Variants in PARD6A observed in about 807,000 individuals in gnomAD.
PARD6A encodes the protein par-6 family cell polarity regulator alpha.
PARD6A carries 20 observed loss-of-function variants against 21.3 expected under a neutral mutation model. That is an observed-to-expected ratio of 0.94 (90% CI 0.66 to 1.36). The LOEUF is 1.36. Ranked by LOEUF, PARD6A falls within the 40% of genes most tolerant of loss-of-function variation. The pLI, the probability that PARD6A is intolerant of heterozygous loss-of-function variation, is 0.00. For synonymous variants in PARD6A, 214 were observed against 204.8 expected, an observed-to-expected ratio of 1.04 and a Z score of -0.38; for missense variants, 411 against 482.0, an observed-to-expected ratio of 0.85 and a Z score of 1.38.
chr16:67,661,558 A>AC lies in PARD6A; in HGVS notation c.168dup (p.Val57ArgfsTer42). ...GCGGTGCACCAGATCCCGGGCCTGG[A>AC]CGTGCTACTTGGCTATACGGATGCT... On this transcript the variant is annotated frameshift_variant, in exon 2 of 3. Coordinates refer to ENST00000458121, the MANE Select transcript of PARD6A (RefSeq NM_001037281.2). LOFTEE classifies it high-confidence loss of function. This position sits in a 1 kb window ranked among gnomAD's most constrained non-coding sequence, Gnocchi z 7.0. 6.2e-7 allele frequency: 1 copy of AC among 1,610,562 alleles called. No homozygotes were observed. Among genetic ancestry groups the AC allele is most frequent in the Non-Finnish European group, 8.5e-7 (1 of 1,179,930 alleles).
In PARD6A at chr16:67,662,265, G is replaced by A. The variant is rs1186462758; in HGVS notation, c.656G>A (p.Gly219Asp). ...AVSDEILEVNGIEVAGKTLDQ... is the reference protein window; with the variant it reads ...AVSDEILEVNDIEVAGKTLDQ... ...AGTGATGAGATCCTCGAGGTCAATG[G>A]CATTGAAGTAGCCGGGAAGACCTTG... Residue 219 changes from glycine to aspartate, a missense_variant, in exon 3 of 3, where the codon GGC becomes GAC. Coordinates refer to ENST00000458121, the MANE Select transcript of PARD6A (RefSeq NM_001037281.2). This position sits in a 1 kb window ranked among gnomAD's most constrained non-coding sequence, Gnocchi z 6.9. 1.9e-6 allele frequency: 3 copies of A among 1,614,018 alleles called. No individual in the cohort carries two copies. The highest frequency in any genetic ancestry group is 2.5e-6 in the Non-Finnish European group (3 of 1,180,042).
chr16:67,661,741 G>A lies in PARD6A; in HGVS notation c.286+64G>A. 1 of 1,574,310 alleles carries A rather than the reference G, an allele frequency of 6.4e-7. No individual in the cohort carries two copies. Among genetic ancestry groups the A allele is most frequent in the Non-Finnish European group, 8.6e-7 (1 of 1,166,004 alleles). Reference sequence around the variant, plus strand: ...GTGTCTGTGGGGCAGGTCTACAAGGGTTAGTCCATGCCCAGGGTACCCAAG... The same window carrying A: ...GTGTCTGTGGGGCAGGTCTACAAGGATTAGTCCATGCCCAGGGTACCCAAG... On this transcript the variant is annotated intron_variant, in intron 2 of 2. Coordinates refer to ENST00000458121, the MANE Select transcript of PARD6A (RefSeq NM_001037281.2). This position sits in a 1 kb window ranked among gnomAD's most constrained non-coding sequence, Gnocchi z 7.0.
In PARD6A at chr16:67,662,740, A is replaced by T; in HGVS notation, c.*93A>T. The T allele has an allele frequency of 8.4e-7, 1 of 1,186,464 alleles. No individual in the cohort carries two copies. The highest frequency in any genetic ancestry group is 2.9e-5 in the Admixed American group (1 of 34,790). 73.5% of individuals were successfully genotyped at this position (1,186,464 alleles called of 1,614,324 possible). A position where few individuals can be genotyped will look rare whatever the true frequency, so the allele number is the denominator to read the frequency against. On this transcript the variant is annotated 3_prime_UTR_variant, in exon 3 of 3. Transcript: ENST00000458121. The surrounding 1 kb of genome is among the most constrained non-coding windows in gnomAD (Gnocchi z 6.9). ...TTTAGCTGGCTCACAGGGCTCCCTCAGCCTGGGGAACATTAAAGGTTTTCT... is the reference window on the plus strand; with the variant it reads ...TTTAGCTGGCTCACAGGGCTCCCTCTGCCTGGGGAACATTAAAGGTTTTCT...
At position 67,661,063 on chromosome 16, in the gene PARD6A, G is replaced by A. The variant is rs2053005829; in HGVS notation, c.25G>A (p.Ala9Thr). The A allele has an allele frequency of 1.2e-6, 2 of 1,600,250 alleles. No homozygotes were observed. The highest frequency in any genetic ancestry group is 1.7e-6 in the Non-Finnish European group (2 of 1,173,020). MARPQRTPARSPDSIVEVK... is the reference protein window; with the variant it reads MARPQRTPTRSPDSIVEVK... ...CATGGCCCGGCCGCAGAGGACTCCG[G>A]CGCGCAGTCCCGATAGCATCGTCGA... is the stretch of plus-strand genomic sequence containing the variant. Residue 9 changes from alanine (A) to threonine (T), a missense_variant, in exon 1 of 3, where the codon GCG becomes ACG. Ala to Thr is a moderately conservative substitution (Grantham distance 58, BLOSUM62 0). Coordinates refer to ENST00000458121, the MANE Select transcript of PARD6A (RefSeq NM_001037281.2). The surrounding 1 kb of genome is among the most constrained non-coding windows in gnomAD (Gnocchi z 7.0).
At position 67,662,196 on chromosome 16, in the gene PARD6A, T is replaced by G; in HGVS notation, c.587T>G (p.Leu196Arg). The change falls in exon 3 of 3, where the codon CTG (leucine) becomes CGG (arginine). Residue 196 changes from leucine (L) to arginine (R), a missense_variant. Physicochemically the swap from Leu to Arg is moderately radical, Grantham distance 102. Transcript: ENST00000458121. The surrounding 1 kb of genome is among the most constrained non-coding windows in gnomAD (Gnocchi z 6.9). ...ERVPGIFISR[L>R]VRGGLAESTG... Reference sequence around the variant, plus strand: ...GTTCCAGGAATCTTCATCTCCCGCCTGGTACGTGGGGGTCTGGCTGAGAGT... The same window carrying G: ...GTTCCAGGAATCTTCATCTCCCGCCGGGTACGTGGGGGTCTGGCTGAGAGT... 6.2e-7 allele frequency: 1 copy of G among 1,614,020 alleles called. No individual in the cohort carries two copies. Among genetic ancestry groups the G allele is most frequent in the East Asian group, 2.2e-5 (1 of 44,880 alleles).
rs367827389 is a variant in PARD6A at position 67,661,869 on chromosome 16, C to T, written c.287-27C>T. Reference sequence around the variant, plus strand: ...CCAAGTCGGGGAGCAGGTCTCTGATCTCAACATCCCCCCTCTTCTGCAGCA... The same window carrying T: ...CCAAGTCGGGGAGCAGGTCTCTGATTTCAACATCCCCCCTCTTCTGCAGCA... On this transcript the variant is annotated intron_variant, in intron 2 of 2. Transcript: ENST00000458121. This position sits in a 1 kb window ranked among gnomAD's most constrained non-coding sequence, Gnocchi z 7.0. 3 of 1,553,986 alleles carry T rather than the reference C, an allele frequency of 1.9e-6. No homozygotes were observed. In the South Asian group the frequency reaches 3.6e-5, roughly 19 times the overall value.
chr16:67,661,834 T>C lies in PARD6A; in HGVS notation c.287-62T>C. The C allele has an allele frequency of 6.5e-7, 1 of 1,539,716 alleles. No individual in the cohort carries two copies. The highest frequency in any genetic ancestry group is 8.7e-7 in the Non-Finnish European group (1 of 1,150,638). ...GGTAGGAAATAGCTACAGTGCCCCC[T>C]GTAAACAGCCCAAGTCGGGGAGCAG... On this transcript the variant is annotated intron_variant, in intron 2 of 2. Transcript: ENST00000458121. This position sits in a 1 kb window ranked among gnomAD's most constrained non-coding sequence, Gnocchi z 7.0.
In PARD6A at chr16:67,662,689, A is replaced by G. The variant is rs1363562640; in HGVS notation, c.*42A>G. 6.7e-7 allele frequency: 1 copy of G among 1,485,726 alleles called. No individual in the cohort carries two copies. The highest frequency in any genetic ancestry group is 2.4e-5 in the Admixed American group (1 of 41,722). The allele number at this position is 1,485,726 out of a possible 1,614,324, so 92.0% of individuals were successfully genotyped here. A position where few individuals can be genotyped will look rare whatever the true frequency, so the allele number is the denominator to read the frequency against. On this transcript the variant is annotated 3_prime_UTR_variant, in exon 3 of 3. Transcript: ENST00000458121. This position sits in a 1 kb window ranked among gnomAD's most constrained non-coding sequence, Gnocchi z 6.9. ...CCATGCCACTCCACACTGCTGGGAC[A>G]TGGCAGGGACTTCACAGTGGGGGTT...
In PARD6A at chr16:67,661,116, G is replaced by A; in HGVS notation, c.63+15G>A. On this transcript the variant is annotated intron_variant, in intron 1 of 2. Transcript: ENST00000458121. The surrounding 1 kb of genome is among the most constrained non-coding windows in gnomAD (Gnocchi z 7.0). ...TGAAGAGCAAAGTAAGGGCTCCTCCGGCCTCGGCCCTAGGCGCTCCCAATT... is the reference window on the plus strand; with the variant it reads ...TGAAGAGCAAAGTAAGGGCTCCTCCAGCCTCGGCCCTAGGCGCTCCCAATT... 1 of 1,604,204 alleles carries A rather than the reference G, an allele frequency of 6.2e-7. No homozygotes were observed. The highest frequency in any genetic ancestry group is 8.5e-7 in the Non-Finnish European group (1 of 1,172,458).
At position 67,661,757 on chromosome 16, in the gene PARD6A, G is replaced by C. The variant is rs2053022099; in HGVS notation, c.286+80G>C. 1.3e-6 allele frequency: 2 copies of C among 1,560,102 alleles called. No homozygotes were observed. Among genetic ancestry groups the C allele is most frequent in the East Asian group, 4.5e-5 (2 of 44,264 alleles). ...TCTACAAGGGTTAGTCCATGCCCAG[G>C]GTACCCAAGCGTCACCCTCTGCAGT... is the stretch of plus-strand genomic sequence containing the variant. On this transcript the variant is annotated intron_variant, in intron 2 of 2. Coordinates refer to ENST00000458121, the MANE Select transcript of PARD6A (RefSeq NM_001037281.2). The surrounding 1 kb of genome is among the most constrained non-coding windows in gnomAD (Gnocchi z 7.0).
Position 67,661,924 on chromosome 16 carries a change from C to T in PARD6A, c.315C>T (p.Ala105=), listed in dbSNP as rs765074184. Residue 105 remains alanine, a synonymous_variant, in exon 3 of 3, where the codon GCC becomes GCT. Coordinates refer to ENST00000458121, the MANE Select transcript of PARD6A (RefSeq NM_001037281.2). The surrounding 1 kb of genome is among the most constrained non-coding windows in gnomAD (Gnocchi z 7.0). ...CTGACTCCAGCGGCCTGGCTTTTGC[C>T]TCCAACTCTCTGCAGCGGCGCAAGA... ...READSSGLAF[A]SNSLQRRKKG... is the part of the protein sequence containing the mutation. 13 of 1,606,132 alleles carry T rather than the reference C, an allele frequency of 8.1e-6. 1 individual carries two copies. Among genetic ancestry groups the T allele is most frequent in the Middle Eastern group, 1.7e-4 (1 of 6,038 alleles).
In PARD6A at chr16:67,662,769, A is replaced by G; in HGVS notation, c.*122A>G. The G allele has an allele frequency of 1.0e-6, 1 of 970,668 alleles. No homozygotes were observed. The highest frequency in any genetic ancestry group is 1.5e-6 in the Non-Finnish European group (1 of 675,934). The allele number at this position is 970,668 out of a possible 1,614,324, so 60.1% of individuals were successfully genotyped here. On this transcript the variant is annotated 3_prime_UTR_variant, in exon 3 of 3. Coordinates refer to ENST00000458121, the MANE Select transcript of PARD6A (RefSeq NM_001037281.2). The surrounding 1 kb of genome is among the most constrained non-coding windows in gnomAD (Gnocchi z 6.9). ...TGGGGAACATTAAAGGTTTTCTACAAATACAGTCATGGTCCTTGTGTGTCC... is the reference window on the plus strand; with the variant it reads ...TGGGGAACATTAAAGGTTTTCTACAGATACAGTCATGGTCCTTGTGTGTCC...
rs1417536271 is a variant in PARD6A at position 67,662,171 on chromosome 16, G to A, written c.562G>A (p.Val188Ile). Residue 188 changes from valine (V) to isoleucine (I), a missense_variant, in exon 3 of 3, where the codon GTT becomes ATT. By Grantham distance (29) the Val-to-Ile change is conservative. Coordinates refer to ENST00000458121, the MANE Select transcript of PARD6A (RefSeq NM_001037281.2). This position sits in a 1 kb window ranked among gnomAD's most constrained non-coding sequence, Gnocchi z 6.9. ...TGTGGCTCCCCAGGGCCTGGAGCGG[G>A]TTCCAGGAATCTTCATCTCCCGCCT... ...VRVAPQGLER[V>I]PGIFISRLVR... The A allele has an allele frequency of 6.2e-7, 1 of 1,614,060 alleles. No homozygotes were observed. The highest frequency in any genetic ancestry group is 8.5e-7 in the Non-Finnish European group (1 of 1,180,020).
rs766452239 is a variant in PARD6A, at chr16:67,661,488, C to G, written c.97C>G (p.Arg33Gly). The change falls in exon 2 of 3, where the codon CGC (arginine) becomes GGC (glycine). Residue 33 changes from arginine to glycine, a missense_variant. Coordinates refer to ENST00000458121, the MANE Select transcript of PARD6A (RefSeq NM_001037281.2). The surrounding 1 kb of genome is among the most constrained non-coding windows in gnomAD (Gnocchi z 7.0). ...CGAGTTCCGACGCTTCGCGCTGCCTCGCGCTTCGGTGAGCGGCTTCCAGGA... is the reference window on the plus strand; with the variant it reads ...CGAGTTCCGACGCTTCGCGCTGCCTGGCGCTTCGGTGAGCGGCTTCCAGGA... ...DAEFRRFALP[R>G]ASVSGFQEFS... is the part of the protein sequence containing the mutation. 6.2e-7 allele frequency: 1 copy of G among 1,609,302 alleles called. No individual in the cohort carries two copies. The highest frequency in any genetic ancestry group is 8.5e-7 in the Non-Finnish European group (1 of 1,179,980).
chr16:67,661,033 C>G lies in PARD6A; in HGVS notation c.-6C>G, dbSNP rs769623291. 2.0e-6 allele frequency: 3 copies of G among 1,528,178 alleles called. No individual in the cohort carries two copies. In the Admixed American group the frequency reaches 5.4e-5, roughly 28 times the overall value. The allele number at this position is 1,528,178 out of a possible 1,614,324, so 94.7% of individuals were successfully genotyped here. A position where few individuals can be genotyped will look rare whatever the true frequency, so the allele number is the denominator to read the frequency against. On this transcript the variant is annotated 5_prime_UTR_variant, in exon 1 of 3. Coordinates refer to ENST00000458121, the MANE Select transcript of PARD6A (RefSeq NM_001037281.2). This position sits in a 1 kb window ranked among gnomAD's most constrained non-coding sequence, Gnocchi z 7.0. ...GGGCACCGTCCCCGGCCCGCCCGGC[C>G]CCGCCATGGCCCGGCCGCAGAGGAC...
At position 67,661,836 on chromosome 16, in the gene PARD6A, T is replaced by C; in HGVS notation, c.287-60T>C. The C allele has an allele frequency of 6.5e-7, 1 of 1,539,758 alleles. No homozygotes were observed. The highest frequency in any genetic ancestry group is 1.4e-5 in the African/African-American group (1 of 73,146). ...TAGGAAATAGCTACAGTGCCCCCTG[T>C]AAACAGCCCAAGTCGGGGAGCAGGT... On this transcript the variant is annotated intron_variant, in intron 2 of 2. Transcript: ENST00000458121. This position sits in a 1 kb window ranked among gnomAD's most constrained non-coding sequence, Gnocchi z 7.0.
rs763764694 is a variant in PARD6A at position 67,662,048 on chromosome 16, G to A, written c.439G>A (p.Val147Met). ...CCGCCAGGTTTCCTCAGTCATAGAC[G>A]TGGACCTACTGCCTGAGACCCACCG... is the stretch of plus-strand genomic sequence containing the variant. The part of the protein sequence containing the change: ...DFRQVSSVID[V>M]DLLPETHRRV... Residue 147 changes from valine (V) to methionine (M), a missense_variant, in exon 3 of 3, where the codon GTG becomes ATG. Coordinates refer to ENST00000458121, the MANE Select transcript of PARD6A (RefSeq NM_001037281.2). The surrounding 1 kb of genome is among the most constrained non-coding windows in gnomAD (Gnocchi z 6.9). The A allele has an allele frequency of 6.2e-7, 1 of 1,613,936 alleles. No individual in the cohort carries two copies. The highest frequency in any genetic ancestry group is 1.7e-5 in the Admixed American group (1 of 60,020).
chr16:67,661,351 T>A lies in PARD6A; in HGVS notation c.64-104T>A. On this transcript the variant is annotated intron_variant, in intron 1 of 2. Transcript: ENST00000458121. This position sits in a 1 kb window ranked among gnomAD's most constrained non-coding sequence, Gnocchi z 7.0. ...TGGAGCTGAGGTCTGGGCTTAAGGC[T>A]GCCGCAAAAGCGGCAGCCGCATCTT... The A allele has an allele frequency of 2.7e-6, 4 of 1,470,250 alleles. No homozygotes were observed. The highest frequency in any genetic ancestry group is 3.6e-6 in the Non-Finnish European group (4 of 1,108,470). The allele number at this position is 1,470,250 out of a possible 1,614,324, so 91.1% of individuals were successfully genotyped here.
At position 67,661,495 on chromosome 16, in the gene PARD6A, C is replaced by T. The variant is rs982654481; in HGVS notation, c.104C>T (p.Ser35Leu). 9 of 1,609,458 alleles carry T rather than the reference C, an allele frequency of 5.6e-6. No individual in the cohort carries two copies. Among genetic ancestry groups the T allele is most frequent in the African/African-American group, 1.3e-5 (1 of 74,956 alleles). Residue 35 changes from serine to leucine, a missense_variant, in exon 2 of 3, where the codon TCG (serine) becomes TTG (leucine). Coordinates refer to ENST00000458121, the MANE Select transcript of PARD6A (RefSeq NM_001037281.2). The surrounding 1 kb of genome is among the most constrained non-coding windows in gnomAD (Gnocchi z 7.0). ...CGACGCTTCGCGCTGCCTCGCGCTTCGGTGAGCGGCTTCCAGGAGTTCTCG... is the reference window on the plus strand; with the variant it reads ...CGACGCTTCGCGCTGCCTCGCGCTTTGGTGAGCGGCTTCCAGGAGTTCTCG... Reference protein sequence around the residue: ...EFRRFALPRASVSGFQEFSRL... With the variant: ...EFRRFALPRALVSGFQEFSRL...
Sources: gnomAD v4.1 joint callset for allele counts on GRCh38, gnomAD v4.1.1 for gene constraint, Gnocchi (gnomAD v3.1) non-coding constraint, MANE v1.5 for transcripts, NCBI Gene and HGNC (gene_info 2026-07-23, HGNC 2026-07-21) for gene names.